The following NEO1 variants were observed in gnomAD, a reference collection of about 807,000 sequenced individuals.
NEO1 encodes neogenin 1.
A neutral mutation model predicts 159.7 loss-of-function variants in NEO1; 63 were observed. The ratio of observed to expected loss-of-function variants is 0.39; its 90% CI spans 0.32 to 0.49. The LOEUF (loss-of-function observed/expected upper bound fraction) is 0.49. Among genes scored for constraint, NEO1 ranks in the 20% least tolerant of loss-of-function variants. NEO1 has a pLI of 0.85. For synonymous variants in NEO1, 633 were observed against 662.0 expected (o/e 0.96, Z 0.67); for missense variants, 1,615 against 1,831.0 (o/e 0.88, Z 2.15).
chr15:73,244,981 A>AAAAAAAAAC (rs1426485832), intron 9 of NEO1, among the ~76,000 whole-genome samples: 3 of 148,112 alleles, frequency 2.0e-5, no homozygotes, highest in Non-Finnish European at 3.0e-5. Flanking sequence ...AAAAAAAAAA[A>AAAAAAAAAC]AACAACAGCA....
At chr15:73,177,703 A>G (rs908058197) in intron 6 of NEO1, among the ~76,000 whole-genome samples, 8 of 152,088 alleles carry the variant, frequency 5.3e-5, no homozygotes, top group Non-Finnish European at 1.2e-4. Flanking sequence ...TACCATGACC[A>G]GCCAATTTTG....
chr15:73,098,614 C>A (rs553307614), intron 1 of NEO1, among the ~76,000 whole-genome samples: 10 of 152,078 alleles, frequency 6.6e-5, no homozygotes, highest in Non-Finnish European at 1.3e-4. Context: ...ATAGTACCTC[C>A]TTGTGTCAGT....
chr15:73,186,972 T>C (rs2035967790), intron 7 of NEO1, among the ~76,000 whole-genome samples: 1 of 152,152 alleles, frequency 6.6e-6, no homozygotes, highest in Non-Finnish European at 1.5e-5. Flanking sequence ...CTTACTCTGG[T>C]CTAACACAGA....
intron 28 of NEO1, 136 bp downstream of exon 28, chr15:73,301,593 C>G: frequency 8.8e-7 from 1 of 1,132,066 alleles, no homozygotes; most frequent in Non-Finnish European, 1.3e-6. Context: ...CTCATTCATT[C>G]AGTAGATACA....
rs1020307728 is a variant in NEO1, at chr15:73,058,264, A to G, written c.130+5459A>G. Among the ~76,000 whole-genome samples, 4 of 152,320 alleles carry G rather than the reference A, an allele frequency of 2.6e-5. 1 individual carries two copies. In the South Asian group the frequency reaches 8.3e-4, roughly 32 times the overall value. ...GTGCCATGCTCTTTCACATGTATTTAATCTTTTATACAGTCCTGTGAGGAA... is the reference window on the plus strand; with the variant it reads ...GTGCCATGCTCTTTCACATGTATTTGATCTTTTATACAGTCCTGTGAGGAA... On this transcript the variant is annotated intron_variant, in intron 1 of 28. Transcript: ENST00000261908.
In NEO1 at chr15:73,237,007, A is replaced by G. The variant is rs186444986; in HGVS notation, c.1451+501A>G. On this transcript the variant is annotated intron_variant, in intron 8 of 28. Transcript: ENST00000261908. ...ACATTGCTCATAGGGGAAGATCTAT[A>G]ATGTCCAGGCTGCTTTGTGCCACAG... Among the ~76,000 whole-genome samples the G allele has an allele frequency of 1.2e-3, 186 of 152,240 alleles. 2 individuals carry two copies. Among genetic ancestry groups the G allele is most frequent in the Middle Eastern group, 6.8e-3 (2 of 294 alleles).
rs143095175 is a variant in NEO1 at position 73,293,977 on chromosome 15, C to T, written c.3901+429C>T. 3.1e-3 allele frequency among the ~76,000 whole-genome samples: 470 copies of T among 152,320 alleles called. 2 individuals are homozygous for T. The highest frequency in any genetic ancestry group is 0.011 in the African/African-American group (447 of 41,564). ...AACTGTTACATACAGGTTACTTCCACCGTGGACCAAAGTGCAAACAACATC... is the reference window on the plus strand; with the variant it reads ...AACTGTTACATACAGGTTACTTCCATCGTGGACCAAAGTGCAAACAACATC... On this transcript the variant is annotated intron_variant, in intron 26 of 28. Coordinates refer to ENST00000261908, the MANE Select transcript of NEO1 (RefSeq NM_002499.4).
At chr15:73,066,162 C>T (rs1358537055) in intron 1 of NEO1, among the ~76,000 whole-genome samples, 1 of 150,898 alleles carries the variant, frequency 6.6e-6, no homozygotes, top group Non-Finnish European at 1.5e-5. Context: ...GGACTACAGG[C>T]GCCTGCCACC....
At chr15:73,187,846 A>G (rs1370215440) in intron 7 of NEO1, among the ~76,000 whole-genome samples, 2 of 152,194 alleles carry the variant, frequency 1.3e-5, no homozygotes, top group Non-Finnish European at 1.5e-5. Context: ...AAAATGAACA[A>G]AAAGGATGCT....
At chr15:73,198,368 CAG>C (rs1308971532) in intron 7 of NEO1, among the ~76,000 whole-genome samples, 1 of 152,066 alleles carries the variant, frequency 6.6e-6, no homozygotes, top group Non-Finnish European at 1.5e-5. Context: ...ATAAATTTCT[CAG>C]AGTATGTGAG....
intron 3 of NEO1, among the ~76,000 whole-genome samples, chr15:73,123,391 A>G (rs2071785639): frequency 6.6e-6 from 1 of 152,142 alleles, no homozygotes; most frequent in Non-Finnish European, 1.5e-5. Context: ...CTCCAACAAT[A>G]GGATATTTTT....
intron 5 of NEO1, among the ~76,000 whole-genome samples, chr15:73,167,782 A>G (rs1487137878): frequency 3.3e-5 from 5 of 152,162 alleles, no homozygotes; most frequent in East Asian, 1.9e-4. Context: ...ATAGAATACA[A>G]TTTTTCAAAG....
intron 26 of NEO1, among the ~76,000 whole-genome samples, chr15:73,294,544 C>A (rs909825256): frequency 6.6e-6 from 1 of 152,002 alleles, no homozygotes; most frequent in Non-Finnish European, 1.5e-5. Flanking sequence ...TCTTTGGTTT[C>A]TTTGTTTGTT....
Position 73,244,355 on chromosome 15 carries a change from A to T in NEO1, c.1463A>T (p.Glu488Val). 6.2e-7 allele frequency: 1 copy of T among 1,613,378 alleles called. No individual in the cohort carries two copies. Residue 488 changes from glutamate (E) to valine (V), a missense_variant, in exon 9 of 29, where the codon GAG (glutamate) becomes GTG (valine). This residue lies in a region of NEO1 where 1,018 missense variants were observed against 1,115.4 expected (regional missense o/e 0.91). Transcript: ENST00000261908. ...TKEGIARERV[E>V]NTSHPGEMQV... ...TCCTTTGTCTAAAGGGAACGTGTTGAGAATACCAGTCACCCAGGAGAGATG... is the reference window on the plus strand; with the variant it reads ...TCCTTTGTCTAAAGGGAACGTGTTGTGAATACCAGTCACCCAGGAGAGATG...
intron 7 of NEO1, among the ~76,000 whole-genome samples, chr15:73,201,329 C>G (rs1567464878): frequency 6.6e-6 from 1 of 151,550 alleles, no homozygotes; most frequent in East Asian, 1.9e-4. Flanking sequence ...CCTCTTTGGC[C>G]CATGAGTTAT....
chr15:73,267,710 A>G (rs1043179755), intron 16 of NEO1, among the ~76,000 whole-genome samples: 1 of 151,782 alleles, frequency 6.6e-6, no homozygotes, highest in Non-Finnish European at 1.5e-5. Flanking sequence ...CCTACAAAGG[A>G]CATGAACTCA....
In NEO1 at chr15:73,126,490, A is replaced by G; in HGVS notation, c.798A>G (p.Val266=). 1.2e-6 allele frequency: 2 copies of G among 1,613,614 alleles called. No homozygotes were observed. Among genetic ancestry groups the G allele is most frequent in the Non-Finnish European group, 1.7e-6 (2 of 1,179,864 alleles). Residue 266 remains valine, a synonymous_variant, in exon 4 of 29, where the codon GTA becomes GTG. Transcript: ENST00000261908. ...SPLVRVIGQD[V]VLPCVASGLP... is the part of the protein sequence containing the mutation. Reference sequence around the variant, plus strand: ...TAGTCAGAGTCATTGGTCAGGATGTAGTGTTGCCATGTGTTGCTTCAGGAC... The same window carrying G: ...TAGTCAGAGTCATTGGTCAGGATGTGGTGTTGCCATGTGTTGCTTCAGGAC...
intron 25 of NEO1, among the ~76,000 whole-genome samples, chr15:73,290,953 A>G (rs1394469244): frequency 6.6e-6 from 1 of 152,220 alleles, no homozygotes; most frequent in Non-Finnish European, 1.5e-5. Flanking sequence ...GTACACAAAC[A>G]TGTAAGATAC....
chr15:73,098,675 T>A (rs1175458362), intron 1 of NEO1, among the ~76,000 whole-genome samples: 2 of 152,224 alleles, frequency 1.3e-5, no homozygotes, highest in African/African-American at 4.8e-5. Context: ...CAAAGTTGTT[T>A]CCAGGTTGTT....
Sources: gnomAD v4.1 joint callset for allele counts (sites outside exome capture counted in the v4.1 genomes callset) on GRCh38, gnomAD v4.1.1 for gene constraint, gnomAD v4.1.1 regional missense constraint, MANE v1.5 for transcripts, NCBI Gene and HGNC (gene_info 2026-07-23, HGNC 2026-07-21) for gene names.